NCOA6: variants seen among roughly 807,000 people sequenced by gnomAD.
NCOA6 encodes NRC RAP250.
A neutral mutation model predicts 171.4 loss-of-function variants in NCOA6; 49 were observed. The ratio of observed to expected loss-of-function variants is 0.29; its 90% CI spans 0.23 to 0.36. NCOA6 has a LOEUF of 0.36. NCOA6 is among the 10% of genes least tolerant of loss of function. The pLI is 1.00. For missense variants in NCOA6, 2,248 were observed against 2,554.5 expected, an observed-to-expected ratio of 0.88 and a Z score of 2.59; for synonymous variants, 910 against 927.5, an observed-to-expected ratio of 0.98 and a Z score of 0.34.
chr20:34,782,014 C>A, intron 3 of NCOA6, 107 bp downstream of exon 3: 1 of 761,308 alleles, frequency 1.3e-6, no homozygotes, highest in Non-Finnish European at 2.1e-6. Flanking sequence ...TAAATTCAGC[C>A]TTTTGACCCA....
At chr20:34,812,114 G>A (rs1043661509) in intron 1 of NCOA6, among the ~76,000 whole-genome samples, 8 of 152,044 alleles carry the variant, frequency 5.3e-5, no homozygotes, top group Middle Eastern at 3.4e-3. Context: ...TTAGCTGGGC[G>A]TGGTGGCATG....
chr20:34,767,834 C>A (rs548951930), intron 5 of NCOA6, among the ~76,000 whole-genome samples: 1 of 152,152 alleles, frequency 6.6e-6, no homozygotes. Flanking sequence ...ACTAGTTTAT[C>A]GCTCCTTGAC....
In NCOA6 at chr20:34,742,103, G is replaced by A. The variant is rs926352738; in HGVS notation, c.4153C>T (p.Pro1385Ser). The change falls in exon 11 of 15, where the codon CCT becomes TCT. Residue 1385 changes from proline (P) to serine (S), a missense_variant. Around this residue, in one of 7 missense-constraint regions of NCOA6, gnomAD observed 884 missense variants for 941.9 expected, o/e 0.94. Coordinates refer to ENST00000359003, the MANE Select transcript of NCOA6 (RefSeq NM_014071.5). ...LVSPTPLANP[P>S]VPGSFPNNSG... ...TTGTTAGGAAAGCTCCCAGGTACAG[G>A]GGGATTGGCCAGAGGAGTGGGACTG... The A allele has an allele frequency of 3.1e-6, 5 of 1,614,044 alleles. No homozygotes were observed. The highest frequency in any genetic ancestry group is 3.4e-6 in the Non-Finnish European group (4 of 1,180,036).
intron 14 of NCOA6, among the ~76,000 whole-genome samples, chr20:34,718,629 C>T (rs1177786927): frequency 6.6e-6 from 1 of 152,084 alleles, no homozygotes; most frequent in Non-Finnish European, 1.5e-5. Context: ...CCTCAGCCTC[C>T]CTAGTAGCTG....
intron 11 of NCOA6, 150 bp downstream of exon 11, chr20:34,740,211 ATT>A: frequency 8.8e-7 from 1 of 1,134,342 alleles, no homozygotes; most frequent in Non-Finnish European, 1.2e-6. Flanking sequence ...TTAAAAGCAT[ATT>A]TTCCAACGTA....
At chr20:34,732,373 AAG>A (rs560103589) in intron 13 of NCOA6, among the ~76,000 whole-genome samples, 184 bp downstream of exon 13, 33 of 152,314 alleles carry the variant, frequency 2.2e-4, no homozygotes, top group African/African-American at 7.9e-4. Flanking sequence ...AGCTTTTATT[AAG>A]AGAAATGTTA....
chr20:34,797,960 G>C (rs535450448), intron 1 of NCOA6, among the ~76,000 whole-genome samples: 2 of 152,138 alleles, frequency 1.3e-5, no homozygotes, highest in African/African-American at 4.8e-5. Flanking sequence ...CACTAAGCAG[G>C]CTCTCGGGGT....
chr20:34,796,083 T>C (rs1361828473), intron 1 of NCOA6, among the ~76,000 whole-genome samples: 2 of 141,768 alleles, frequency 1.4e-5, no homozygotes, highest in African/African-American at 2.6e-5. Flanking sequence ...TGATCACAGC[T>C]CACAGCAGCT....
intron 10 of NCOA6, 147 bp from the exon 11 acceptor site, chr20:34,743,488 G>T: frequency 1.3e-6 from 1 of 798,676 alleles, no homozygotes; most frequent in Non-Finnish European, 1.9e-6. Context: ...GCAGGGGGCA[G>T]CCCCTCATTA....
chr20:34,780,917 G>C (rs1362896532), intron 3 of NCOA6, among the ~76,000 whole-genome samples: 3 of 152,114 alleles, frequency 2.0e-5, no homozygotes, highest in African/African-American at 7.2e-5. Context: ...ATCTCCCAAA[G>C]TGCTGGGATT....
chr20:34,790,351 T>A (rs1412627857), intron 2 of NCOA6, among the ~76,000 whole-genome samples: 1 of 151,998 alleles, frequency 6.6e-6, no homozygotes, highest in East Asian at 1.9e-4. Context: ...TTTTATTATT[T>A]ATTTATTTAT....
Position 34,768,511 on chromosome 20 carries a change from C to T in NCOA6, c.467G>A (p.Gly156Glu), listed in dbSNP as rs2077046799. 1.2e-6 allele frequency: 2 copies of T among 1,614,054 alleles called. No individual in the cohort carries two copies. Among genetic ancestry groups the T allele is most frequent in the South Asian group, 1.1e-5 (1 of 91,090 alleles). ...DVRMNGPMGA[G>E]NSVRMEAGFP... ...TCCCGCCTCCATCCTAACTGAATTT[C>T]CAGCTCCCATGGGTCCATTCATTCT... Residue 156 changes from glycine to glutamate, a missense_variant, in exon 5 of 15, where the codon GGA (glycine) becomes GAA (glutamate). Coordinates refer to ENST00000359003, the MANE Select transcript of NCOA6 (RefSeq NM_014071.5).
chr20:34,761,220 C>A (rs540097643), intron 5 of NCOA6, among the ~76,000 whole-genome samples: 1 of 152,208 alleles, frequency 6.6e-6, no homozygotes, highest in Admixed American at 6.5e-5. Context: ...TCATAACTTA[C>A]AGCTCTGCTC....
chr20:34,751,376 C>CAAAAAAAAAAAAAAAAAAAAAAAAAAAA (rs35848122), intron 8 of NCOA6, among the ~76,000 whole-genome samples: 37 of 68,216 alleles, frequency 5.4e-4, no homozygotes, highest in East Asian at 2.1e-3. Flanking sequence ...GACTCCGTCT[C>CAAAAAAAAAAAAAAAAAAAAAAAAAAAA]AAAAAAAAAA....
At chr20:34,814,477 C>A (rs1387473862) in intron 1 of NCOA6, among the ~76,000 whole-genome samples, 1 of 151,930 alleles carries the variant, frequency 6.6e-6, no homozygotes, top group Non-Finnish European at 1.5e-5. Flanking sequence ...AAAAGTACGT[C>A]AATATATTGC....
chr20:34,760,377 G>A (rs1171248448), intron 5 of NCOA6, among the ~76,000 whole-genome samples: 2 of 152,226 alleles, frequency 1.3e-5, no homozygotes, highest in Non-Finnish European at 2.9e-5. Context: ...GTTGGCCAAA[G>A]CACACTTTTA....
At chr20:34,821,272 G>A (rs1349670799) in intron 1 of NCOA6, 1 of 152,076 alleles carries the variant, frequency 6.6e-6, no homozygotes, top group African/African-American at 2.4e-5. Flanking sequence ...AAGAAGATAT[G>A]GACAATATAT....
chr20:34,792,591 A>G (rs2077922946), intron 1 of NCOA6, 28 bp from the exon 2 acceptor site: 1 of 398,538 alleles, frequency 2.5e-6, no homozygotes, highest in Non-Finnish European at 4.4e-6. Context: ...CAACAACAAC[A>G]AAAAGAGAGA....
At chr20:34,810,642 G>A (rs1420300774) in intron 1 of NCOA6, among the ~76,000 whole-genome samples, 3 of 151,448 alleles carry the variant, frequency 2.0e-5, no homozygotes, top group South Asian at 2.1e-4. Context: ...TGCAAGCTCC[G>A]CCTCCCGGGT....
Sources: allele counts gnomAD v4.1 joint callset (sites outside exome capture counted in the v4.1 genomes callset), GRCh38; gene constraint gnomAD v4.1.1; regional missense constraint gnomAD v4.1.1; transcripts MANE v1.5; gene names NCBI Gene and HGNC (gene_info 2026-07-23, HGNC 2026-07-21).